LIN54: variants seen among roughly 807,000 people sequenced by gnomAD.
LIN54 encodes the protein lin-54 DREAM MuvB core complex component.
LIN54 carries 9 observed loss-of-function variants against 78.7 expected under a neutral mutation model. The ratio of observed to expected loss-of-function variants is 0.11; its 90% CI spans 0.07 to 0.20. The LOEUF is 0.20. Among genes scored for constraint, LIN54 ranks in the 10% least tolerant of loss-of-function variants. The pLI is 1.00. For synonymous variants in LIN54, 269 were observed against 318.4 expected, an observed-to-expected ratio of 0.84 and a Z score of 1.65; for missense variants, 573 against 889.9, an observed-to-expected ratio of 0.64 and a Z score of 4.53.
In LIN54 at chr4:82,984,736, G is replaced by A. The variant is rs779735846; in HGVS notation, c.109C>T (p.Pro37Ser). Reference protein sequence around the residue: ...DSIEAVIVSSPIPMETELEEI... With the variant: ...DSIEAVIVSSSIPMETELEEI... ...TCCAGTTCTGTCTCCATGGGAATTGGGGATGAAACAATAACAGCCTCAATA... is the reference window on the plus strand; with the variant it reads ...TCCAGTTCTGTCTCCATGGGAATTGAGGATGAAACAATAACAGCCTCAATA... The change falls in exon 2 of 13, where the codon CCA becomes TCA. Residue 37 changes from proline (P) to serine (S), a missense_variant. Physicochemically the swap from Pro to Ser is moderately conservative, Grantham distance 74 (BLOSUM62 -1). This residue lies in a region of LIN54 where 183 missense variants were observed against 228.4 expected (regional missense o/e 0.80). Coordinates refer to ENST00000340417, the MANE Select transcript of LIN54 (RefSeq NM_194282.4). 1.9e-6 allele frequency: 3 copies of A among 1,613,968 alleles called. No homozygotes were observed. The East Asian group carries it at 6.7e-5, about 36-fold the overall frequency.
chr4:82,931,349 C>T (rs529091802), intron 11 of LIN54, among the ~76,000 whole-genome samples: 3 of 152,288 alleles, frequency 2.0e-5, no homozygotes, highest in African/African-American at 7.2e-5. Flanking sequence ...GGCTGTACAA[C>T]GTTTGTGGCT....
intron 1 of LIN54, among the ~76,000 whole-genome samples, chr4:82,987,268 G>A (rs1197095223): frequency 6.6e-6 from 1 of 152,206 alleles, no homozygotes; most frequent in Non-Finnish European, 1.5e-5. Context: ...TCCAGCCTGG[G>A]CAACAGAGTG....
intron 1 of LIN54, among the ~76,000 whole-genome samples, chr4:82,999,427 C>T (rs1418176081): frequency 1.3e-5 from 2 of 152,076 alleles, no homozygotes; most frequent in Non-Finnish European, 2.9e-5. Flanking sequence ...ATACGAAAAC[C>T]TTGCACTTTT....
chr4:83,002,101 G>T (rs1160149954), intron 1 of LIN54, among the ~76,000 whole-genome samples: 1 of 151,190 alleles, frequency 6.6e-6, no homozygotes, highest in Non-Finnish European at 1.5e-5. Context: ...AGATGTAGAA[G>T]AAGCACAGAA....
At chr4:82,971,146 C>T (rs1263676635) in intron 3 of LIN54, among the ~76,000 whole-genome samples, 1 of 152,138 alleles carries the variant, frequency 6.6e-6, no homozygotes, top group Non-Finnish European at 1.5e-5. Flanking sequence ...TAAGAAAAGA[C>T]TACAAAGACA....
intron 1 of LIN54, among the ~76,000 whole-genome samples, chr4:82,986,720 A>G (rs1330383818): frequency 6.6e-6 from 1 of 151,486 alleles, no homozygotes; most frequent in East Asian, 1.9e-4. Context: ...AAAAAAAAAA[A>G]AAAAAAGATA....
intron 1 of LIN54, among the ~76,000 whole-genome samples, chr4:82,994,452 C>T (rs974901989): frequency 1.3e-5 from 2 of 151,422 alleles, no homozygotes; most frequent in Non-Finnish European, 2.9e-5. Context: ...TGCTGGAGTG[C>T]AGTGGCGCAA....
At chr4:82,940,192 G>C (rs1457103751) in intron 5 of LIN54, among the ~76,000 whole-genome samples, 1 of 152,142 alleles carries the variant, frequency 6.6e-6, no homozygotes. Context: ...CTTTGTGAGG[G>C]AATATTTGTA....
chr4:83,001,081 G>C (rs1728723881), intron 1 of LIN54, among the ~76,000 whole-genome samples: 1 of 151,996 alleles, frequency 6.6e-6, no homozygotes, highest in Non-Finnish European at 1.5e-5. Context: ...GCCTCCCAAA[G>C]TGCTGGGATT....
At position 82,984,722 on chromosome 4, in the gene LIN54, C is replaced by G; in HGVS notation, c.123G>C (p.Glu41Asp). Residue 41 changes from glutamate to aspartate, a missense_variant, in exon 2 of 13, where the codon GAG becomes GAC. Transcript: ENST00000340417. ...TGTTGACAATTTCTTCCAGTTCTGT[C>G]TCCATGGGAATTGGGGATGAAACAA... ...AVIVSSPIPM[E>D]TELEEIVNIN... 6.2e-7 allele frequency: 1 copy of G among 1,614,152 alleles called. No individual in the cohort carries two copies. Among genetic ancestry groups the G allele is most frequent in the Non-Finnish European group, 8.5e-7 (1 of 1,180,030 alleles).
chr4:82,988,486 G>T (rs1297617567), intron 1 of LIN54, among the ~76,000 whole-genome samples: 2 of 152,138 alleles, frequency 1.3e-5, no homozygotes, highest in African/African-American at 4.8e-5. Flanking sequence ...GCTATAAACT[G>T]CTATAAATAC....
At chr4:82,963,207 A>G (rs1724945043) in intron 4 of LIN54, among the ~76,000 whole-genome samples, 1 of 152,196 alleles carries the variant, frequency 6.6e-6, no homozygotes, top group Non-Finnish European at 1.5e-5. Context: ...ACATCTTTAA[A>G]GTACTCGCAG....
At chr4:82,966,963 G>T (rs376633347) in intron 4 of LIN54, among the ~76,000 whole-genome samples, 22 of 151,934 alleles carry the variant, frequency 1.4e-4, no homozygotes, top group Admixed American at 9.8e-4. Context: ...AAGCTTAGCC[G>T]TTACGTCTGT....
Position 82,927,507 on chromosome 4 carries a change from A to G in LIN54, c.*595T>C, listed in dbSNP as rs1239029362. 2 of 152,188 alleles carry G rather than the reference A, an allele frequency of 1.3e-5. No homozygotes were observed. Among genetic ancestry groups the G allele is most frequent in the African/African-American group, 4.8e-5 (2 of 41,420 alleles). The allele number at this position is 152,188 out of a possible 1,614,324, so 9.4% of individuals were successfully genotyped here. On this transcript the variant is annotated 3_prime_UTR_variant, in exon 13 of 13. Coordinates refer to ENST00000340417, the MANE Select transcript of LIN54 (RefSeq NM_194282.4). ...AATATTTTATATGTTTTTTTAAATAACTTTAAAAAATTTTTAGTGTGCCTG... is the reference window on the plus strand; with the variant it reads ...AATATTTTATATGTTTTTTTAAATAGCTTTAAAAAATTTTTAGTGTGCCTG...
chr4:82,938,457 A>T lies in LIN54; in HGVS notation c.1488T>A (p.Thr496=). ...YVSIASNSTF[T]GTSGIQTQAR... ...CCTGGGTCTGGATACCAGATGTTCC[A>T]GTAAAGGTAGAGTTGCTTGCTATTG... Residue 496 remains threonine, a synonymous_variant, in exon 8 of 13, where the codon ACT becomes ACA. Coordinates refer to ENST00000340417, the MANE Select transcript of LIN54 (RefSeq NM_194282.4). The T allele has an allele frequency of 1.9e-6, 3 of 1,612,268 alleles. No homozygotes were observed. The highest frequency in any genetic ancestry group is 1.7e-6 in the Non-Finnish European group (2 of 1,178,358).
chr4:82,979,052 G>T lies in LIN54; in HGVS notation c.685-46C>A, dbSNP rs747806334. 49 of 1,457,062 alleles carry T rather than the reference G, an allele frequency of 3.4e-5. No homozygotes were observed. The Admixed American group carries it at 9.3e-4, about 28-fold the overall frequency. The allele number at this position is 1,457,062 out of a possible 1,614,324, so 90.3% of individuals were successfully genotyped here. A position where few individuals can be genotyped will look rare whatever the true frequency, so the allele number is the denominator to read the frequency against. ...TGAAGACCATCTGTTTCTATAAAAT[G>T]CCTATTAAATCAAAATTATACCAAA... On this transcript the variant is annotated intron_variant, in intron 2 of 12. Coordinates refer to ENST00000340417, the MANE Select transcript of LIN54 (RefSeq NM_194282.4).
chr4:82,989,963 T>G (rs1323998344), intron 1 of LIN54, among the ~76,000 whole-genome samples: 1 of 152,138 alleles, frequency 6.6e-6, no homozygotes, highest in East Asian at 1.9e-4. Flanking sequence ...CAAAGCACCA[T>G]TCAGGTGGTA....
At chr4:82,953,052 T>C (rs1323610795) in intron 4 of LIN54, among the ~76,000 whole-genome samples, 2 of 152,214 alleles carry the variant, frequency 1.3e-5, no homozygotes, top group African/African-American at 4.8e-5. Flanking sequence ...GCTTAGGCAC[T>C]CGCGAGGCAG....
intron 1 of LIN54, among the ~76,000 whole-genome samples, chr4:82,989,232 T>C (rs545703317): frequency 9.2e-5 from 14 of 152,128 alleles, no homozygotes; most frequent in African/African-American, 2.7e-4. Flanking sequence ...TTGAATTGGA[T>C]GAATTCATTA....
Sources: gnomAD v4.1 joint callset for allele counts (sites outside exome capture counted in the v4.1 genomes callset) on GRCh38, gnomAD v4.1.1 for gene constraint, gnomAD v4.1.1 regional missense constraint, MANE v1.5 for transcripts, NCBI Gene and HGNC (gene_info 2026-07-23, HGNC 2026-07-21) for gene names.